Variants in PLA2R1 observed in about 807,000 individuals in gnomAD.
PLA2R1 encodes the protein secretory phospholipase A2 receptor.
In PLA2R1, 158 loss-of-function variants were observed where a neutral mutation model predicts 195.9. The ratio of observed to expected loss-of-function variants is 0.81; its 90% CI spans 0.71 to 0.92. The LOEUF is 0.92. Among genes scored for constraint, PLA2R1 ranks in the 40% least tolerant of loss-of-function variants. The pLI is 0.00. For missense variants in PLA2R1, 1,626 were observed against 1,764.6 expected (o/e 0.92, Z 1.41); for synonymous variants, 586 against 598.2 (o/e 0.98, Z 0.30).
rs1693654429 is a variant in PLA2R1, at chr2:160,028,428, T to C, written c.956-67A>G. On this transcript the variant is annotated intron_variant, in intron 5 of 29. Transcript: ENST00000283243. ...AGTTAGTTTAATATATATTGAAATGTGGTTTTCAGCATCGGGGGACAGCGT... is the reference window on the plus strand; with the variant it reads ...AGTTAGTTTAATATATATTGAAATGCGGTTTTCAGCATCGGGGGACAGCGT... The C allele has an allele frequency of 8.7e-6, 10 of 1,143,288 alleles. 1 individual carries two copies. The South Asian group carries it at 1.3e-4, about 15-fold the overall frequency. The allele number at this position is 1,143,288 out of a possible 1,614,324, so 70.8% of individuals were successfully genotyped here.
At position 160,031,510 on chromosome 2, in the gene PLA2R1, C is replaced by T. The variant is rs57702774; in HGVS notation, c.841+1449G>A. ...TTTGTTATGTGTGCCAGGCACTTTTCTATGATTTCACCTGTATTAAAATAT... is the reference window on the plus strand; with the variant it reads ...TTTGTTATGTGTGCCAGGCACTTTTTTATGATTTCACCTGTATTAAAATAT... On this transcript the variant is annotated intron_variant, in intron 4 of 29. Coordinates refer to ENST00000283243, the MANE Select transcript of PLA2R1 (RefSeq NM_007366.5). 4.7e-3 allele frequency among the ~76,000 whole-genome samples: 719 copies of T among 152,262 alleles called. 7 individuals carry two copies. The highest frequency in any genetic ancestry group is 0.017 in the African/African-American group (693 of 41,560).
chr2:159,978,834 G>T (rs963527724), intron 14 of PLA2R1, among the ~76,000 whole-genome samples: 2 of 152,066 alleles, frequency 1.3e-5, no homozygotes, highest in Admixed American at 6.6e-5. Flanking sequence ...ATCTTGGTAC[G>T]GGGCTTTCTC....
Position 159,945,053 on chromosome 2 carries a change from G to T in PLA2R1, c.3997C>A (p.Pro1333Thr). 1 of 1,612,938 alleles carries T rather than the reference G, an allele frequency of 6.2e-7. No homozygotes were observed. The highest frequency in any genetic ancestry group is 8.5e-7 in the Non-Finnish European group (1 of 1,179,318). The change falls in exon 28 of 30, where the codon CCC becomes ACC. Residue 1333 changes from proline to threonine, a missense_variant. Physicochemically the swap from Pro to Thr is conservative, Grantham distance 38. Transcript: ENST00000283243. ...NETIKWFDGT[P>T]TDQSNWGIRK... ...ATGCCCCAGTTTGACTGGTCTGTGG[G>T]AGTTCCATCAAACCACTTTATGGTT... is the stretch of plus-strand genomic sequence containing the variant.
At chr2:160,011,008 G>C (rs2105421247) in intron 10 of PLA2R1, among the ~76,000 whole-genome samples, 1 of 152,220 alleles carries the variant, frequency 6.6e-6, no homozygotes, top group South Asian at 2.1e-4. Context: ...GCCAAGACTG[G>C]GATAAAAACA....
At chr2:159,924,810 C>T in the PLA2R1 span, among the ~76,000 whole-genome samples, 5 of 151,134 alleles carry the variant, frequency 3.3e-5, no homozygotes, top group Admixed American at 6.6e-5. Flanking sequence ...GTTCTTTTTT[C>T]GCTCCCAGGA....
At chr2:159,949,994 T>A (rs533196402) in intron 24 of PLA2R1, among the ~76,000 whole-genome samples, 34 of 152,372 alleles carry the variant, frequency 2.2e-4, no homozygotes, top group Non-Finnish European at 3.7e-4. Context: ...CCTGCCACAA[T>A]GATTTTCTAG....
chr2:160,026,784 T>C (rs1277000367), intron 6 of PLA2R1, among the ~76,000 whole-genome samples: 1 of 152,240 alleles, frequency 6.6e-6, no homozygotes, highest in Admixed American at 6.5e-5. Context: ...GAACTTTGTA[T>C]ATCATTGACC....
In PLA2R1 at chr2:159,955,258, T is replaced by C. The variant is rs747286384; in HGVS notation, c.3242A>G (p.Lys1081Arg). The change falls in exon 23 of 30, where the codon AAA becomes AGA. Residue 1081 changes from lysine (K) to arginine (R), a missense_variant. By Grantham distance (26) the Lys-to-Arg change is conservative. Transcript: ENST00000283243. ...SSNPNFHFTG[K>R]WYFEDCGKEG... ...CTTTCCACAGTCTTCAAAATACCAT[T>C]TTCCAGTGAAATGAAAATTAGGATT... 67 of 1,611,244 alleles carry C rather than the reference T, an allele frequency of 4.2e-5. 4 individuals are homozygous for C. In the South Asian group the frequency reaches 7.4e-4, roughly 18 times the overall value.
At chr2:159,974,900 G>T (rs1689440159) in intron 17 of PLA2R1, among the ~76,000 whole-genome samples, 1 of 152,156 alleles carries the variant, frequency 6.6e-6, no homozygotes, top group African/African-American at 2.4e-5. Context: ...TGTGAGGAAA[G>T]ACATTTCTTT....
chr2:159,968,458 C>T (rs577470246), intron 19 of PLA2R1, among the ~76,000 whole-genome samples: 5 of 152,298 alleles, frequency 3.3e-5, no homozygotes, highest in African/African-American at 9.6e-5. Flanking sequence ...TTCTCCCAGA[C>T]GCTCAAAACA....
intron 16 of PLA2R1, 142 bp downstream of exon 16, chr2:159,976,543 T>G: frequency 3.2e-6 from 2 of 626,250 alleles, no homozygotes; most frequent in South Asian, 4.2e-5. Context: ...TAATTATTAA[T>G]TTGAACAAAT....
intron 17 of PLA2R1, among the ~76,000 whole-genome samples, chr2:159,973,323 C>G (rs1244472336): frequency 6.6e-6 from 1 of 152,010 alleles, no homozygotes; most frequent in African/African-American, 2.4e-5. Flanking sequence ...AAAGCAACAG[C>G]TTTCTTCTTT....
At position 159,935,140 on chromosome 2, in the gene PLA2R1, G is replaced by T. The variant is rs1686765872; in HGVS notation, c.*6638C>A. 1 of 152,074 alleles carries T rather than the reference G, an allele frequency of 6.6e-6. No individual in the cohort carries two copies. Among genetic ancestry groups the T allele is most frequent in the African/African-American group, 2.4e-5 (1 of 41,392 alleles). 9.4% of individuals were successfully genotyped at this position (152,074 alleles called of 1,614,324 possible). On this transcript the variant is annotated 3_prime_UTR_variant, in exon 30 of 30. Coordinates refer to ENST00000283243, the MANE Select transcript of PLA2R1 (RefSeq NM_007366.5). ...TGCCCTTCTCAATGCCATACCAGGG[G>T]GTACATGATGCTGATGTGGCTTATT...
chr2:159,973,052 T>C (rs894372633), intron 17 of PLA2R1, among the ~76,000 whole-genome samples: 2 of 152,178 alleles, frequency 1.3e-5, no homozygotes, highest in African/African-American at 2.4e-5. Flanking sequence ...ACAAAGCACA[T>C]ACGTAATTTT....
rs1264672009 is a variant in PLA2R1 at position 159,976,138 on chromosome 2, C to A, written c.2525G>T (p.Trp842Leu). The A allele has an allele frequency of 2.0e-5, 32 of 1,612,070 alleles. No individual in the cohort carries two copies. The highest frequency in any genetic ancestry group is 2.6e-5 in the Non-Finnish European group (31 of 1,178,456). Reference sequence around the variant, plus strand: ...AATTGTGAGAAGATCACTGTGCAGCCAGCTACAGACAAACTCAAAGTTCAA... The same window carrying A: ...AATTGTGAGAAGATCACTGTGCAGCAAGCTACAGACAAACTCAAAGTTCAA... ...EWLNFEFVCSWLHSDLLTIHS... is the reference protein window; with the variant it reads ...EWLNFEFVCSLLHSDLLTIHS... Residue 842 changes from tryptophan to leucine, a missense_variant, in exon 17 of 30, where the codon TGG becomes TTG. By Grantham distance (61) the Trp-to-Leu change is moderately conservative (BLOSUM62 -2). Coordinates refer to ENST00000283243, the MANE Select transcript of PLA2R1 (RefSeq NM_007366.5).
chr2:159,948,612 G>T (rs986621001), intron 25 of PLA2R1, among the ~76,000 whole-genome samples: 3 of 105,764 alleles, frequency 2.8e-5, no homozygotes, highest in Non-Finnish European at 4.0e-5. Flanking sequence ...TTATTGAAAG[G>T]ACAAGATTCC....
chr2:160,031,187 TC>T (rs1693828303), intron 4 of PLA2R1, among the ~76,000 whole-genome samples: 1 of 152,220 alleles, frequency 6.6e-6, no homozygotes, highest in African/African-American at 2.4e-5. Flanking sequence ...TGCTTACTTT[TC>T]CATCCAGTGA....
intron 23 of PLA2R1, among the ~76,000 whole-genome samples, chr2:159,954,688 T>A (rs1368287535): frequency 6.6e-6 from 1 of 152,138 alleles, no homozygotes; most frequent in Admixed American, 6.6e-5. Flanking sequence ...GCATTCACAC[T>A]ATTCATTGAC....
At position 159,983,966 on chromosome 2, in the gene PLA2R1, C is replaced by A; in HGVS notation, c.2145G>T (p.Glu715Asp). 6.3e-7 allele frequency: 1 copy of A among 1,596,088 alleles called. No individual in the cohort carries two copies. The highest frequency in any genetic ancestry group is 8.6e-7 in the Non-Finnish European group (1 of 1,165,864). ...HLASFAHIEEENFVNELLHSK... is the reference protein window; with the variant it reads ...HLASFAHIEEDNFVNELLHSK... The stretch of plus-strand genomic sequence containing the variant: ...AATGTAAGAGCTCATTCACAAAATT[C>A]TCTTCCTCAATATGGGCAAAGCTTG... The change falls in exon 13 of 30, where the codon GAG (glutamate) becomes GAT (aspartate). Residue 715 changes from glutamate (E) to aspartate (D), a missense_variant. Glu to Asp is a conservative substitution (Grantham distance 45). Coordinates refer to ENST00000283243, the MANE Select transcript of PLA2R1 (RefSeq NM_007366.5).
Sources: allele counts gnomAD v4.1 joint callset (sites outside exome capture counted in the v4.1 genomes callset), GRCh38; gene constraint gnomAD v4.1.1; transcripts MANE v1.5; gene names NCBI Gene and HGNC (gene_info 2026-07-23, HGNC 2026-07-21).